The following IL5RA variants were observed in gnomAD, a reference collection of about 807,000 sequenced individuals.
IL5RA encodes the protein interleukin 5 receptor subunit alpha.
In IL5RA, 49 loss-of-function variants were observed where a neutral mutation model predicts 50.0. The observed-to-expected ratio is 0.98, with a 90% CI of 0.78 to 1.24. IL5RA has a LOEUF of 1.24. Ranked by LOEUF, IL5RA falls within the 50% of genes most tolerant of loss-of-function variation. The pLI is 0.00. For missense variants in IL5RA, 600 were observed against 500.4 expected, an observed-to-expected ratio of 1.20 and a Z score of -1.90; for synonymous variants, 202 against 174.0, an observed-to-expected ratio of 1.16 and a Z score of -1.26.
At chr3:3,099,658 T>TTTATTATTA (rs10525244) in intron 5 of IL5RA, among the ~76,000 whole-genome samples, 36,927 of 144,062 alleles carry the variant, frequency 0.26, 5,177 homozygotes, top group Admixed American at 0.32. Context: ...TTTTATTTTA[T>TTTATTATTA]TTATTATTAT....
chr3:3,071,552 AGTGTGTGTGTGTGTGTGTGT>A (rs55736610), intron 11 of IL5RA, among the ~76,000 whole-genome samples: 37,002 of 136,030 alleles, frequency 0.27, 5,107 homozygotes, highest in South Asian at 0.32. Flanking sequence ...CTTCCTTCAC[AGTGTGTGTGTGTGTGTGTGT>A]GTGTGTGTGT....
chr3:3,105,079 G>T (rs1323960452), intron 2 of IL5RA, 92 bp from the exon 3 acceptor site: 2 of 795,012 alleles, frequency 2.5e-6, no homozygotes, highest in Non-Finnish European at 4.3e-6. Flanking sequence ...CAGTCGTTTG[G>T]CCATTTAACA....
Position 3,097,860 on chromosome 3 carries a change from T to G in IL5RA, c.709+10A>C. On this transcript the variant is annotated intron_variant, in intron 7 of 11. Coordinates refer to ENST00000446632, the MANE Select transcript of IL5RA (RefSeq NM_175726.4). ...TCAGTTATTTCAGCTTTGGGTTAAG[T>G]CGGTCTTACCAATGGCGTGAAGGGC... 1.9e-6 allele frequency: 3 copies of G among 1,606,404 alleles called. No homozygotes were observed. The highest frequency in any genetic ancestry group is 2.6e-6 in the Non-Finnish European group (3 of 1,174,762).
chr3:3,067,454 A>G lies in IL5RA; in HGVS notation c.*2771T>C, dbSNP rs756538533. ...CTAGACACTGCAGATAAAAAGACGT[A>G]TTTCACACAAGCTCCATCCTCCTGG... On this transcript the variant is annotated 3_prime_UTR_variant, in exon 12 of 12. Transcript: ENST00000446632. 8 of 152,184 alleles carry G rather than the reference A, an allele frequency of 5.3e-5. No homozygotes were observed. Among genetic ancestry groups the G allele is most frequent in the Non-Finnish European group, 8.8e-5 (6 of 68,052 alleles). The allele number at this position is 152,184 out of a possible 1,614,324, so 9.4% of individuals were successfully genotyped here. A position where few individuals can be genotyped will look rare whatever the true frequency, so the allele number is the denominator to read the frequency against.
At position 3,092,221 on chromosome 3, in the gene IL5RA, T is replaced by A; in HGVS notation, c.994+3A>T. On this transcript the variant is annotated splice_donor_region_variant and intron_variant, in intron 9 of 11. Transcript: ENST00000446632. This position sits in a 1 kb window ranked among gnomAD's most constrained non-coding sequence, Gnocchi z 4.2. ...CAATGTAAAATAAACATAAGCTACT[T>A]ACCCACATAAATAGGTTGGCTCCAC... 2 of 1,611,994 alleles carry A rather than the reference T, an allele frequency of 1.2e-6. No homozygotes were observed. The highest frequency in any genetic ancestry group is 1.7e-6 in the Non-Finnish European group (2 of 1,179,530).
intron 11 of IL5RA, among the ~76,000 whole-genome samples, chr3:3,070,600 T>TTTTTTTTTTG (rs1559858213): frequency 8.1e-6 from 1 of 123,010 alleles, no homozygotes; most frequent in African/African-American, 3.6e-5. Context: ...TTTTTTTTTT[T>TTTTTTTTTTG]AGACAGAGTC....
At chr3:3,070,439 A>G (rs1702260386) in intron 11 of IL5RA, 128 bp from the exon 12 acceptor site, 2 of 628,964 alleles carry the variant, frequency 3.2e-6, no homozygotes, top group East Asian at 2.9e-5. Context: ...AGAAGATGTG[A>G]AAAATAAAGT....
intron 9 of IL5RA, among the ~76,000 whole-genome samples, chr3:3,079,902 C>T (rs567772432): frequency 1.3e-5 from 2 of 152,086 alleles, no homozygotes; most frequent in South Asian, 2.1e-4. Flanking sequence ...GGTGTGGTGC[C>T]GCATGGCTGT....
At chr3:3,088,996 C>G (rs187871592) in intron 9 of IL5RA, among the ~76,000 whole-genome samples, 1 of 152,040 alleles carries the variant, frequency 6.6e-6, no homozygotes, top group Non-Finnish European at 1.5e-5. Context: ...TCCTGGGGAA[C>G]AGAGTGAATT....
At chr3:3,082,493 A>G (rs941117427) in intron 9 of IL5RA, among the ~76,000 whole-genome samples, 4 of 152,260 alleles carry the variant, frequency 2.6e-5, no homozygotes, top group African/African-American at 9.6e-5. Flanking sequence ...GGTGCTTTTT[A>G]GGCATCACTA....
chr3:3,090,783 G>C (rs748497349), intron 9 of IL5RA, among the ~76,000 whole-genome samples: 1 of 151,788 alleles, frequency 6.6e-6, no homozygotes, highest in Non-Finnish European at 1.5e-5. Context: ...CCATGTTACC[G>C]AGGATGGTCT....
At position 3,067,068 on chromosome 3, in the gene IL5RA, C is replaced by A. The variant is rs139620707; in HGVS notation, c.*3157G>T. 5 of 152,370 alleles carry A rather than the reference C, an allele frequency of 3.3e-5. No homozygotes were observed. Among genetic ancestry groups the A allele is most frequent in the African/African-American group, 1.2e-4 (5 of 41,578 alleles). The allele number at this position is 152,370 out of a possible 1,614,324, so 9.4% of individuals were successfully genotyped here. ...ATCAACCTGCTGCTGATGGTGTTTA[C>A]TGTTAAGTGAATTTCAAACTCTTTG... On this transcript the variant is annotated 3_prime_UTR_variant, in exon 12 of 12. Coordinates refer to ENST00000446632, the MANE Select transcript of IL5RA (RefSeq NM_175726.4).
chr3:3,096,466 G>A lies in IL5RA; in HGVS notation c.710-1022C>T, dbSNP rs1453965016. Among the ~76,000 whole-genome samples, 14 of 152,172 alleles carry A rather than the reference G, an allele frequency of 9.2e-5. No individual in the cohort carries two copies. The South Asian group carries it at 2.9e-3, about 32-fold the overall frequency. The stretch of plus-strand genomic sequence containing the variant: ...TATGACTTAGATCTCACAATTAATA[G>A]GGAAAAGCTAGGAGTGGGATCCACT... On this transcript the variant is annotated intron_variant, in intron 7 of 11. Transcript: ENST00000446632.
At chr3:3,095,180 G>A (rs1703300453) in intron 8 of IL5RA, 119 bp downstream of exon 8, 1 of 702,862 alleles carries the variant, frequency 1.4e-6, no homozygotes. Flanking sequence ...GGTAGATTAA[G>A]TTAACTTTGA....
At chr3:3,079,757 C>T (rs529923047) in intron 9 of IL5RA, among the ~76,000 whole-genome samples, 8 of 152,176 alleles carry the variant, frequency 5.3e-5, no homozygotes, top group East Asian at 1.9e-4. Context: ...CTTTTTGGGC[C>T]GGGTGTGTTA....
intron 9 of IL5RA, among the ~76,000 whole-genome samples, chr3:3,080,733 C>T (rs2125958873): frequency 6.6e-6 from 1 of 152,268 alleles, no homozygotes; most frequent in East Asian, 1.9e-4. Flanking sequence ...CTTGCTGTAT[C>T]ACCCAGGCTG....
At chr3:3,106,608 T>C (rs974657030) in intron 2 of IL5RA, among the ~76,000 whole-genome samples, 1 of 152,136 alleles carries the variant, frequency 6.6e-6, no homozygotes, top group Admixed American at 6.5e-5. Flanking sequence ...ACTCTATAAT[T>C]TTTTTAAAAT....
At chr3:3,072,733 G>A (rs758261211) in intron 11 of IL5RA, among the ~76,000 whole-genome samples, 6 of 152,118 alleles carry the variant, frequency 3.9e-5, no homozygotes, top group East Asian at 1.9e-4. Flanking sequence ...CCAACATGGC[G>A]TAACCCTGTC....
In IL5RA at chr3:3,076,650, C is replaced by A. The variant is rs1559861670; in HGVS notation, c.995-23G>T. Reference sequence around the variant, plus strand: ...TTCCTGGTGGAAAACAAAAAAGAAACAAAAAAATATAAAGTCCAAGTTAGA... The same window carrying A: ...TTCCTGGTGGAAAACAAAAAAGAAAAAAAAAAATATAAAGTCCAAGTTAGA... On this transcript the variant is annotated intron_variant, in intron 9 of 11. Coordinates refer to ENST00000446632, the MANE Select transcript of IL5RA (RefSeq NM_175726.4). 7.4e-6 allele frequency: 11 copies of A among 1,479,342 alleles called. No homozygotes were observed. The Admixed American group carries it at 1.1e-4, about 14-fold the overall frequency. 91.6% of individuals were successfully genotyped at this position (1,479,342 alleles called of 1,614,324 possible). A position where few individuals can be genotyped will look rare whatever the true frequency, so the allele number is the denominator to read the frequency against.
Sources: gnomAD v4.1 joint callset for allele counts (sites outside exome capture counted in the v4.1 genomes callset) on GRCh38, gnomAD v4.1.1 for gene constraint, Gnocchi (gnomAD v3.1) non-coding constraint, MANE v1.5 for transcripts, NCBI Gene and HGNC (gene_info 2026-07-23, HGNC 2026-07-21) for gene names.